RNF150: variants seen among roughly 807,000 people sequenced by gnomAD.
RNF150 encodes ring finger protein 150.
Under a neutral mutation model 39.3 loss-of-function variants are expected in RNF150, and 24 were observed. The ratio of observed to expected loss-of-function variants is 0.61; its 90% CI spans 0.44 to 0.86. The LOEUF (loss-of-function observed/expected upper bound fraction) is 0.86. Among genes scored for constraint, RNF150 ranks in the 40% least tolerant of loss-of-function variants. The probability of loss-of-function intolerance (pLI) is 0.00; values close to 1 mark genes in which losing one functional copy is unlikely to be tolerated. For synonymous variants in RNF150, 255 were observed against 227.3 expected (o/e 1.12, Z -1.10); for missense variants, 502 against 587.8 (o/e 0.85, Z 1.51).
intron 1 of RNF150, among the ~76,000 whole-genome samples, chr4:140,972,714 C>T (rs1352204712): frequency 6.6e-6 from 1 of 152,134 alleles, no homozygotes; most frequent in African/African-American, 2.4e-5. Context: ...CCTTCTCTCC[C>T]TTCCTTTTGA....
At chr4:140,872,270 T>C (rs1443550646) in intron 6 of RNF150, among the ~76,000 whole-genome samples, 1 of 152,246 alleles carries the variant, frequency 6.6e-6, no homozygotes, top group Non-Finnish European at 1.5e-5. Context: ...CCTCCTTCTC[T>C]GCAAAAACTA....
intron 1 of RNF150, among the ~76,000 whole-genome samples, chr4:141,062,353 ATGTATATATATGTATG>A (rs978662314): frequency 5.9e-5 from 9 of 152,118 alleles, no homozygotes; most frequent in South Asian, 2.1e-4. Flanking sequence ...AGGTATGTAT[ATGTATATATATGTATG>A]TGTATATATA....
chr4:141,071,247 G>A (rs934899690), intron 1 of RNF150, among the ~76,000 whole-genome samples: 2 of 122,030 alleles, frequency 1.6e-5, no homozygotes, highest in African/African-American at 6.2e-5. Context: ...TGGGGGGAGG[G>A]GGGAGGGATA....
Position 140,866,569 on chromosome 4 carries a change from G to C in RNF150, c.*1692C>G, listed in dbSNP as rs1251794635. 6.6e-6 allele frequency: 1 copy of C among 152,194 alleles called. No individual in the cohort carries two copies. The highest frequency in any genetic ancestry group is 6.5e-5 in the Admixed American group (1 of 15,280). The allele number at this position is 152,194 out of a possible 1,614,324, so 9.4% of individuals were successfully genotyped here. On this transcript the variant is annotated 3_prime_UTR_variant, in exon 7 of 7. Transcript: ENST00000515673. ...AACCATCAAATAGGAAATTGGTAAA[G>C]GTGGTGAAAAAGGAGCAGCTAGTAT...
intron 5 of RNF150, among the ~76,000 whole-genome samples, chr4:140,915,627 G>A (rs867907542): frequency 1.3e-4 from 20 of 152,222 alleles, no homozygotes; most frequent in African/African-American, 4.8e-4. Flanking sequence ...TCATGTTCTT[G>A]TTCAGCTGGC....
intron 6 of RNF150, among the ~76,000 whole-genome samples, chr4:140,878,471 C>G (rs1193839403): frequency 6.6e-6 from 1 of 152,046 alleles, no homozygotes; most frequent in Non-Finnish European, 1.5e-5. Context: ...CTGTGCCTGG[C>G]CTCATTGTGG....
chr4:141,080,516 G>A (rs7441485), intron 1 of RNF150, among the ~76,000 whole-genome samples: 114,123 of 151,912 alleles, frequency 0.75, 43,449 homozygotes, highest in East Asian at 1. Context: ...TTCTTAATTA[G>A]TTTCATTTCA....
At chr4:141,028,527 T>C (rs1390029590) in intron 1 of RNF150, among the ~76,000 whole-genome samples, 27 of 152,214 alleles carry the variant, frequency 1.8e-4, no homozygotes, top group Admixed American at 1.8e-3. Context: ...GCTTTATGCC[T>C]CTTAGACAAA....
chr4:140,939,628 GT>G (rs1732001996), intron 4 of RNF150, among the ~76,000 whole-genome samples: 1 of 148,632 alleles, frequency 6.7e-6, no homozygotes, highest in African/African-American at 2.5e-5. Flanking sequence ...GTGTGTGTGT[GT>G]GTGTGTGTGT....
At chr4:141,212,467 A>G (rs925129674) in intron 1 of RNF150, among the ~76,000 whole-genome samples, 1 of 152,110 alleles carries the variant, frequency 6.6e-6, no homozygotes, top group African/African-American at 2.4e-5. Context: ...AACTAAACAT[A>G]TGCTTGAAGG....
At chr4:140,920,290 T>C (rs976103074) in intron 5 of RNF150, among the ~76,000 whole-genome samples, 2 of 145,778 alleles carry the variant, frequency 1.4e-5, no homozygotes, top group African/African-American at 5.1e-5. Flanking sequence ...CCTACTCATC[T>C]GACAAAGGGC....
At chr4:140,905,215 C>CAT (rs770280978) in intron 6 of RNF150, among the ~76,000 whole-genome samples, 34 of 152,140 alleles carry the variant, frequency 2.2e-4, no homozygotes, top group Non-Finnish European at 4.4e-4. Flanking sequence ...TACATATATG[C>CAT]ATATATATAC....
chr4:140,878,164 GTTTTTTT>G (rs58338048), intron 6 of RNF150, among the ~76,000 whole-genome samples: 5 of 90,504 alleles, frequency 5.5e-5, no homozygotes, highest in Non-Finnish European at 8.8e-5. Flanking sequence ...ATCTCATTGT[GTTTTTTT>G]TTTTTTTTTT....
intron 4 of RNF150, among the ~76,000 whole-genome samples, chr4:140,942,687 C>G (rs1189294049): frequency 1.3e-5 from 2 of 152,172 alleles, no homozygotes; most frequent in Admixed American, 6.5e-5. Flanking sequence ...ATCCAAATAG[C>G]CAAAATTCAA....
At chr4:140,893,191 T>C (rs996396568) in intron 6 of RNF150, among the ~76,000 whole-genome samples, 1 of 151,722 alleles carries the variant, frequency 6.6e-6, no homozygotes, top group Non-Finnish European at 1.5e-5. Context: ...TATTTCATTA[T>C]TTAAATATTC....
intron 2 of RNF150, among the ~76,000 whole-genome samples, chr4:140,955,618 C>T (rs1732718478): frequency 6.6e-6 from 1 of 152,148 alleles, no homozygotes; most frequent in Non-Finnish European, 1.5e-5. Context: ...GGCTAATTAC[C>T]TCACTGAAGA....
intron 5 of RNF150, among the ~76,000 whole-genome samples, chr4:140,916,359 T>C (rs1165955371): frequency 2.6e-5 from 4 of 152,136 alleles, no homozygotes; most frequent in Admixed American, 2.0e-4. Flanking sequence ...CAGGACCTGA[T>C]GGAGCTGAAA....
At chr4:140,923,424 C>T (rs201882361) in intron 5 of RNF150, among the ~76,000 whole-genome samples, 19,436 of 152,138 alleles carry the variant, frequency 0.13, 1,429 homozygotes, top group Admixed American at 0.21. Flanking sequence ...CAATGAGATA[C>T]CATCTCACAC....
At chr4:141,024,027 T>C (rs1735599659) in intron 1 of RNF150, among the ~76,000 whole-genome samples, 1 of 152,022 alleles carries the variant, frequency 6.6e-6, no homozygotes, top group Non-Finnish European at 1.5e-5. Flanking sequence ...ATAAAGAAAA[T>C]TTCCAGAGCC....
Sources: allele counts gnomAD v4.1 joint callset (sites outside exome capture counted in the v4.1 genomes callset), GRCh38; gene constraint gnomAD v4.1.1; transcripts MANE v1.5; gene names NCBI Gene and HGNC (gene_info 2026-07-23, HGNC 2026-07-21).